The following ARID5B variants were observed in gnomAD, a reference collection of about 807,000 sequenced individuals.
ARID5B encodes the protein AT-rich interaction domain 5B.
ARID5B carries 13 observed loss-of-function variants against 97.2 expected under a neutral mutation model. The observed-to-expected ratio is 0.13, with a 90% CI of 0.09 to 0.21. ARID5B has a LOEUF of 0.21. Ranked by LOEUF, ARID5B falls within the 10% of genes least tolerant of loss-of-function variation. The pLI, the probability that ARID5B is intolerant of heterozygous loss-of-function variation, is 1.00. For missense variants in ARID5B, 1,210 were observed against 1,465.3 expected (o/e 0.83, Z 2.84); for synonymous variants, 556 against 570.3 (o/e 0.97, Z 0.36).
At chr10:62,076,712 CAGGAAAGTCCTA>C (rs1369924942) in intron 8 of ARID5B, among the ~76,000 whole-genome samples, 2 of 152,088 alleles carry the variant, frequency 1.3e-5, no homozygotes, top group Non-Finnish European at 2.9e-5. Flanking sequence ...TAGGGGCTGT[CAGGAAAGTCCTA>C]AGGCTGAATT....
chr10:61,933,702 A>C (rs1395526125), intron 2 of ARID5B, among the ~76,000 whole-genome samples: 1 of 152,202 alleles, frequency 6.6e-6, no homozygotes. Context: ...GCAGGCTTAA[A>C]ATTTTCAGTA....
intron 8 of ARID5B, among the ~76,000 whole-genome samples, chr10:62,077,923 A>G (rs1298390182): frequency 6.6e-6 from 1 of 152,258 alleles, no homozygotes; most frequent in Non-Finnish European, 1.5e-5. Context: ...AAAGGGAAAA[A>G]AAGTATCATA....
intron 2 of ARID5B, among the ~76,000 whole-genome samples, chr10:61,927,085 A>G (rs1264616456): frequency 6.6e-6 from 1 of 152,202 alleles, no homozygotes; most frequent in Non-Finnish European, 1.5e-5. Context: ...TTGTTCCTAG[A>G]CAAAGAATTA....
At chr10:62,003,892 T>C (rs985340306) in intron 4 of ARID5B, among the ~76,000 whole-genome samples, 2 of 152,230 alleles carry the variant, frequency 1.3e-5, no homozygotes, top group African/African-American at 4.8e-5. Flanking sequence ...ACAAGTTTAA[T>C]TGAACAATGA....
At chr10:62,024,964 A>T (rs926056231) in intron 4 of ARID5B, 6 of 274,960 alleles carry the variant, frequency 2.2e-5, no homozygotes, top group South Asian at 1.7e-4. Context: ...TGCTATAAGT[A>T]AAAGTCTTGC....
In ARID5B at chr10:62,095,475, T is replaced by C. The variant is rs1840455916; in HGVS notation, c.*2445T>C. On this transcript the variant is annotated 3_prime_UTR_variant, in exon 10 of 10. Coordinates refer to ENST00000279873, the MANE Select transcript of ARID5B (RefSeq NM_032199.3). ...CAATGATTTCAGTCTGGTTTCATCA[T>C]GTTGGAATTCGATCACACCATTTTC... 1 of 233,580 alleles carries C rather than the reference T, an allele frequency of 4.3e-6. No homozygotes were observed. The highest frequency in any genetic ancestry group is 1.8e-4 in the South Asian group (1 of 5,534). 14.5% of individuals were successfully genotyped at this position (233,580 alleles called of 1,614,324 possible).
chr10:61,973,240 C>T (rs1170289009), intron 3 of ARID5B, among the ~76,000 whole-genome samples: 1 of 152,262 alleles, frequency 6.6e-6, no homozygotes, highest in East Asian at 1.9e-4. Context: ...AGGGTGGTGA[C>T]GTTCTTTTCC....
At chr10:61,939,582 G>C (rs1844363228) in intron 2 of ARID5B, among the ~76,000 whole-genome samples, 1 of 152,186 alleles carries the variant, frequency 6.6e-6, no homozygotes, top group Non-Finnish European at 1.5e-5. Flanking sequence ...TGAGAAACAT[G>C]AGAATGTGTA....
chr10:61,925,297 T>TA (rs1260937910), intron 2 of ARID5B, among the ~76,000 whole-genome samples: 5 of 152,204 alleles, frequency 3.3e-5, no homozygotes, highest in Admixed American at 6.5e-5. Context: ...GCTTTATTGT[T>TA]ACGGTTTTTG....
chr10:61,969,019 T>G (rs1013612772), intron 3 of ARID5B, among the ~76,000 whole-genome samples: 1 of 152,222 alleles, frequency 6.6e-6, no homozygotes, highest in East Asian at 1.9e-4. Flanking sequence ...GAAAAGACTG[T>G]ATTTTGATTG....
At chr10:61,940,505 TG>T in intron 3 of ARID5B, 97 bp downstream of exon 3, 1 of 1,061,012 alleles carries the variant, frequency 9.4e-7, no homozygotes, top group Non-Finnish European at 1.4e-6. Flanking sequence ...TATATATAAA[TG>T]TATTTCAAAT....
chr10:61,964,547 C>T (rs750117811), intron 3 of ARID5B, among the ~76,000 whole-genome samples: 12 of 152,194 alleles, frequency 7.9e-5, no homozygotes, highest in Non-Finnish European at 1.8e-4. Flanking sequence ...TTTATACTAG[C>T]ATCTGGCCTA....
rs541277042 is a variant in ARID5B at position 61,917,555 on chromosome 10, C to T, written c.276+15142C>T. On this transcript the variant is annotated intron_variant, in intron 2 of 9. Coordinates refer to ENST00000279873, the MANE Select transcript of ARID5B (RefSeq NM_032199.3). ...TGTTGGTCAGGCTGGTCTCACTGCA[C>T]CTGGCCCAATCCAATTTTTAAAACA... is the stretch of plus-strand genomic sequence containing the variant. Among the ~76,000 whole-genome samples the T allele has an allele frequency of 5.9e-5, 9 of 152,304 alleles. 1 individual carries two copies. In the Middle Eastern group the frequency reaches 0.014, roughly 230 times the overall value.
At chr10:61,921,658 C>T (rs1844017231) in intron 2 of ARID5B, among the ~76,000 whole-genome samples, 1 of 152,110 alleles carries the variant, frequency 6.6e-6, no homozygotes, top group Non-Finnish European at 1.5e-5. Flanking sequence ...TTGTCTAGCC[C>T]ACACCCAAGA....
chr10:62,044,553 G>A (rs1029164254), intron 4 of ARID5B, among the ~76,000 whole-genome samples: 4 of 151,770 alleles, frequency 2.6e-5, no homozygotes, highest in South Asian at 4.2e-4. Context: ...ACTAATTTTC[G>A]TAGAAACAGG....
intron 4 of ARID5B, among the ~76,000 whole-genome samples, chr10:62,041,043 C>A (rs867928759): frequency 6.6e-6 from 1 of 152,170 alleles, no homozygotes; most frequent in Non-Finnish European, 1.5e-5. Context: ...AGTGATCACT[C>A]TAGCTTGCCC....
At chr10:62,010,332 G>T (rs190588421) in intron 4 of ARID5B, among the ~76,000 whole-genome samples, 1 of 152,258 alleles carries the variant, frequency 6.6e-6, no homozygotes, top group East Asian at 1.9e-4. Context: ...GTGTTACTCA[G>T]TACTTTTTCA....
At chr10:61,977,993 G>A (rs1287708975) in intron 3 of ARID5B, among the ~76,000 whole-genome samples, 2 of 152,162 alleles carry the variant, frequency 1.3e-5, no homozygotes, top group Admixed American at 1.3e-4. Context: ...ATGGTTTTAG[G>A]TCTAACATGT....
chr10:61,940,638 A>G (rs914909457), intron 3 of ARID5B, among the ~76,000 whole-genome samples: 2 of 152,050 alleles, frequency 1.3e-5, no homozygotes, highest in Middle Eastern at 3.4e-3. Flanking sequence ...GGGGTGATAC[A>G]GTGGTTCTAA....
Sources: allele counts gnomAD v4.1 joint callset (sites outside exome capture counted in the v4.1 genomes callset), GRCh38; gene constraint gnomAD v4.1.1; transcripts MANE v1.5; gene names NCBI Gene and HGNC (gene_info 2026-07-23, HGNC 2026-07-21).